Variants in ACOT7 observed in about 807,000 individuals in gnomAD.
The protein encoded by ACOT7 is cytosolic acyl coenzyme A thioester hydrolase.
ACOT7 carries 12 observed loss-of-function variants against 40.2 expected under a neutral mutation model. That is an observed-to-expected ratio of 0.30 (90% CI 0.19 to 0.48). The LOEUF (loss-of-function observed/expected upper bound fraction) is 0.48, where lower values mean the gene tolerates loss of function less well. Among genes scored for constraint, ACOT7 ranks in the 20% least tolerant of loss-of-function variants. The pLI, the probability that ACOT7 is intolerant of heterozygous loss-of-function variation, is 0.99. For missense variants in ACOT7, 395 were observed against 530.8 expected (o/e 0.74, Z 2.51); for synonymous variants, 228 against 219.5 (o/e 1.04, Z -0.34).
At chr1:6,390,891 G>C (rs978605380) in intron 1 of ACOT7, among the ~76,000 whole-genome samples, 1 of 152,080 alleles carries the variant, frequency 6.6e-6, no homozygotes, top group African/African-American at 2.4e-5. Flanking sequence ...AGCTGAGATC[G>C]TGCCATTGCA....
intron 6 of ACOT7, among the ~76,000 whole-genome samples, chr1:6,304,953 A>T (rs1571289342): frequency 5.6e-5 from 8 of 143,280 alleles, no homozygotes; most frequent in East Asian, 2.1e-4. Flanking sequence ...GGGGCTCCTC[A>T]CTTCCCAGTA....
intron 5 of ACOT7, among the ~76,000 whole-genome samples, chr1:6,321,063 G>A (rs939112735): frequency 1.7e-4 from 26 of 152,224 alleles, no homozygotes; most frequent in African/African-American, 6.0e-4. Flanking sequence ...GCCAGGGTCT[G>A]AGCTATGGCC....
Position 6,282,489 on chromosome 1 carries a change from G to A in ACOT7, c.830-1203C>T, listed in dbSNP as rs1639383844. ...TATCCCTGCCCGACTCTGGCTGCTG[G>A]GACTTGCTCCCCAGGAAATATATCT... On this transcript the variant is annotated intron_variant, in intron 7 of 8. Transcript: ENST00000361521. This position sits in a 1 kb window ranked among gnomAD's most constrained non-coding sequence, Gnocchi z 4.5. Among the ~76,000 whole-genome samples, 1 of 152,094 alleles carries A rather than the reference G, an allele frequency of 6.6e-6. No homozygotes were observed. The highest frequency in any genetic ancestry group is 6.5e-5 in the Admixed American group (1 of 15,272).
Position 6,339,468 on chromosome 1 carries a change from A to G in ACOT7, c.383T>C (p.Val128Ala). ...GTTTTCGGACATCACGTTGACCTGC[A>G]CCTCCACAGAGTGCTTGGAGGTGTA... ...ITYTSKHSVEVQVNVMSENIL... is the reference protein window; with the variant it reads ...ITYTSKHSVEAQVNVMSENIL... Residue 128 changes from valine (V) to alanine (A), a missense_variant, in exon 3 of 9, where the codon GTG (valine) becomes GCG (alanine). This residue lies in a region of ACOT7 where 309 missense variants were observed against 470.3 expected (regional missense o/e 0.66). Transcript: ENST00000361521. 1 of 1,613,570 alleles carries G rather than the reference A, an allele frequency of 6.2e-7. No individual in the cohort carries two copies. The highest frequency in any genetic ancestry group is 8.5e-7 in the Non-Finnish European group (1 of 1,180,014).
rs1642564865 is a variant in ACOT7 at position 6,393,264 on chromosome 1, T to C, written c.136A>G (p.Ile46Val). The change falls in exon 1 of 9, where the codon ATC becomes GTC. Residue 46 changes from isoleucine (I) to valine (V), a missense_variant. By Grantham distance (29) the Ile-to-Val change is conservative. This residue lies in a region of ACOT7 where 309 missense variants were observed against 470.3 expected (regional missense o/e 0.66). Transcript: ENST00000361521. ...GCGCGGGCCCTCTCTTACCGGCAGA[T>C]CTGGATGGCGGACGGCGTCTCGACG... ...PDVETPSAIQ[I>V]CRIMRPDDAN... 16 of 1,283,558 alleles carry C rather than the reference T, an allele frequency of 1.2e-5. No individual in the cohort carries two copies. The highest frequency in any genetic ancestry group is 3.0e-5 in the African/African-American group (2 of 65,676). The allele number at this position is 1,283,558 out of a possible 1,614,324, so 79.5% of individuals were successfully genotyped here.
chr1:6,371,641 C>T (rs1557671573), intron 1 of ACOT7, among the ~76,000 whole-genome samples: 1 of 151,960 alleles, frequency 6.6e-6, no homozygotes, highest in Non-Finnish European at 1.5e-5. Flanking sequence ...GGGATTACAG[C>T]GTGAGTCACC....
At chr1:6,333,221 C>T (rs573707230) in intron 4 of ACOT7, among the ~76,000 whole-genome samples, 45 of 152,378 alleles carry the variant, frequency 3.0e-4, no homozygotes, top group Non-Finnish European at 5.0e-4. Context: ...ATTAAACATA[C>T]ATTAGAAGAT....
intron 8 of ACOT7, among the ~76,000 whole-genome samples, chr1:6,266,526 G>C (rs779205865): frequency 1.8e-4 from 27 of 152,280 alleles, no homozygotes; most frequent in Non-Finnish European, 3.7e-4. Flanking sequence ...CAGGATCCCA[G>C]GTGACACAAC....
In ACOT7 at chr1:6,338,597, C is replaced by G. The variant is rs1641174942; in HGVS notation, c.418+836G>C. On this transcript the variant is annotated intron_variant, in intron 3 of 8. Transcript: ENST00000361521. This position sits in a 1 kb window ranked among gnomAD's most constrained non-coding sequence, Gnocchi z 4.4. ...TGAGGTCCTCAGAATGTTCTAGATG[C>G]ATAATCGTGCTTGCTACCGGCCCGT... Among the ~76,000 whole-genome samples, 1 of 152,216 alleles carries G rather than the reference C, an allele frequency of 6.6e-6. No homozygotes were observed. Among genetic ancestry groups the G allele is most frequent in the South Asian group, 2.1e-4 (1 of 4,834 alleles).
At chr1:6,300,369 T>C (rs1161784754) in intron 6 of ACOT7, among the ~76,000 whole-genome samples, 2 of 151,674 alleles carry the variant, frequency 1.3e-5, no homozygotes, top group African/African-American at 4.9e-5. Context: ...GCATGTCACA[T>C]AGAGGAACTC....
In ACOT7 at chr1:6,265,238, ACGGT is replaced by A. The variant is rs1638788878; in HGVS notation, c.1015-547_1015-544del. Among the ~76,000 whole-genome samples the A allele has an allele frequency of 2.2e-5, 3 of 137,438 alleles. No individual in the cohort carries two copies. The South Asian group carries it at 7.0e-4, about 32-fold the overall frequency. 90.2% of individuals were successfully genotyped at this position (137,438 alleles called of 152,430 possible). A position where few individuals can be genotyped will look rare whatever the true frequency, so the allele number is the denominator to read the frequency against. On this transcript the variant is annotated intron_variant, in intron 8 of 8. Transcript: ENST00000361521. ...GAGAAGTGGGGAAAGCCAGCTGCACACGGTCACTGCCCCAGAGAGACGTGGGGAA... is the reference window on the plus strand; with the variant it reads ...GAGAAGTGGGGAAAGCCAGCTGCACACACTGCCCCAGAGAGACGTGGGGAA...
At chr1:6,304,792 C>T (rs372866242) in intron 6 of ACOT7, among the ~76,000 whole-genome samples, 4 of 136,472 alleles carry the variant, frequency 2.9e-5, no homozygotes, top group East Asian at 2.1e-4. Context: ...CCATGTCTAC[C>T]TCTTTCTACA....
At chr1:6,327,187 C>T (rs1203748203) in intron 5 of ACOT7, 112 bp downstream of exon 5, 1 of 1,099,816 alleles carries the variant, frequency 9.1e-7, no homozygotes, top group Non-Finnish European at 1.3e-6. Flanking sequence ...GGAGAGCATG[C>T]TCAGCACCTG....
intron 1 of ACOT7, chr1:6,385,876 TTC>T (rs1642432534): frequency 7.3e-7 from 1 of 1,374,504 alleles, no homozygotes; most frequent in East Asian, 2.6e-5. Flanking sequence ...TCACAGGATG[TTC>T]TCTACAAAAG....
At chr1:6,307,582 G>A (rs1262197663) in intron 6 of ACOT7, among the ~76,000 whole-genome samples, 15 of 152,390 alleles carry the variant, frequency 9.8e-5, no homozygotes, top group African/African-American at 3.6e-4. Flanking sequence ...AGTTGTCTGG[G>A]TAACCCAGGT....
intron 1 of ACOT7, among the ~76,000 whole-genome samples, chr1:6,350,168 A>T (rs1361913286): frequency 1.3e-5 from 2 of 152,174 alleles, no homozygotes. Context: ...GATGGTGAAG[A>T]CCTTTAAGCA....
chr1:6,358,680 C>T lies in ACOT7; in HGVS notation c.144-8814G>A. ...AGAGCCAGGCCAGGTGGGTGCCCTA[C>T]TGCCCTTCCTGGCTGCATGACACCA... On this transcript the variant is annotated intron_variant, in intron 1 of 8. Coordinates refer to ENST00000361521, the MANE Select transcript of ACOT7 (RefSeq NM_007274.4). This position sits in a 1 kb window ranked among gnomAD's most constrained non-coding sequence, Gnocchi z 4.1. 1.3e-6 allele frequency: 1 copy of T among 782,274 alleles called. No individual in the cohort carries two copies. The highest frequency in any genetic ancestry group is 2.1e-6 in the Non-Finnish European group (1 of 475,172). 48.5% of individuals were successfully genotyped at this position (782,274 alleles called of 1,614,324 possible).
rs1022506628 is a variant in ACOT7 at position 6,282,694 on chromosome 1, G to T, written c.830-1408C>A. 25 of 1,297,530 alleles carry T rather than the reference G, an allele frequency of 1.9e-5. No homozygotes were observed. The highest frequency in any genetic ancestry group is 2.4e-5 in the Non-Finnish European group (24 of 983,070). The allele number at this position is 1,297,530 out of a possible 1,614,324, so 80.4% of individuals were successfully genotyped here. A position where few individuals can be genotyped will look rare whatever the true frequency, so the allele number is the denominator to read the frequency against. ...ATTCCATGTTAAAAAGTATCAGAAC[G>T]ATCCATGCTACATTCAACTTCATAC... is the stretch of plus-strand genomic sequence containing the variant. On this transcript the variant is annotated intron_variant, in intron 7 of 8. Coordinates refer to ENST00000361521, the MANE Select transcript of ACOT7 (RefSeq NM_007274.4). This position sits in a 1 kb window ranked among gnomAD's most constrained non-coding sequence, Gnocchi z 4.5.
chr1:6,327,483 T>C (rs2148430908), intron 4 of ACOT7, 70 bp from the exon 5 acceptor site: 1 of 1,415,778 alleles, frequency 7.1e-7, no homozygotes, highest in East Asian at 2.4e-5. Context: ...GCGGCCATGA[T>C]CCCAGGCCCT....
Sources: allele counts gnomAD v4.1 joint callset (sites outside exome capture counted in the v4.1 genomes callset), GRCh38; gene constraint gnomAD v4.1.1; regional missense constraint gnomAD v4.1.1; non-coding constraint Gnocchi (gnomAD v3.1); transcripts MANE v1.5; gene names NCBI Gene and HGNC (gene_info 2026-07-23, HGNC 2026-07-21).